DIAPH2: variants seen among roughly 807,000 people sequenced by gnomAD.
DIAPH2 encodes diaphanous related formin 2.
A neutral mutation model predicts 92.7 loss-of-function variants in DIAPH2; 35 were observed. The observed-to-expected ratio is 0.38, with a 90% CI of 0.29 to 0.50. The LOEUF is 0.50. Ranked by LOEUF, DIAPH2 falls within the 20% of genes least tolerant of loss-of-function variation. The pLI is 0.94. For missense variants in DIAPH2, 701 were observed against 819.5 expected, an observed-to-expected ratio of 0.86 and a Z score of 1.77; for synonymous variants, 301 against 280.4, an observed-to-expected ratio of 1.07 and a Z score of -0.73.
chrX:97,328,902 AG>A (rs1246763007), intron 23 of DIAPH2, among the ~76,000 whole-genome samples: 20 of 111,878 alleles, frequency 1.8e-4, no homozygotes, highest in African/African-American at 6.5e-4. Flanking sequence ...CATCATTAAA[AG>A]TATTTATTCC....
chrX:97,527,208 C>T (rs973827616), intron 26 of DIAPH2, among the ~76,000 whole-genome samples: 2 of 111,911 alleles, frequency 1.8e-5, no homozygotes, highest in African/African-American at 6.5e-5. Context: ...GTTTCTGTAA[C>T]CCAAATACTT....
chrX:96,854,065 C>T (rs765924583), intron 4 of DIAPH2, among the ~76,000 whole-genome samples: 10 of 111,391 alleles, frequency 9.0e-5, no homozygotes, highest in East Asian at 8.5e-4. Flanking sequence ...TGTCATCTTA[C>T]GTGATGTATG....
At chrX:97,129,882 G>C (rs766424314) in intron 21 of DIAPH2, among the ~76,000 whole-genome samples, 1 of 111,300 alleles carries the variant, frequency 9.0e-6, no homozygotes, top group African/African-American at 3.3e-5. Context: ...ATTGATATCC[G>C]TAATATATAA....
intron 22 of DIAPH2, among the ~76,000 whole-genome samples, chrX:97,185,436 T>TAC: frequency 1.8e-5 from 1 of 56,233 alleles, no homozygotes; most frequent in African/African-American, 1.3e-4. Context: ...TATATATATG[T>TAC]GTATATATAT....
At position 97,451,669 on chromosome X, in the gene DIAPH2, T is replaced by C. The variant is rs775888408; in HGVS notation, c.3241+21924T>C. ...TTATGGGGTGCTTAACTCATAGCAG[T>C]AAATATAGTATATTGAACTTACAGT... On this transcript the variant is annotated intron_variant, in intron 26 of 26. Coordinates refer to ENST00000324765, the MANE Select transcript of DIAPH2 (RefSeq NM_006729.5). Among the ~76,000 whole-genome samples the C allele has an allele frequency of 1.9e-4, 21 of 111,790 alleles. No individual in the cohort carries two copies. The East Asian group carries it at 5.8e-3, about 31-fold the overall frequency.
chrX:97,485,955 A>G, intron 26 of DIAPH2, among the ~76,000 whole-genome samples: 1 of 110,008 alleles, frequency 9.1e-6, no homozygotes, highest in Middle Eastern at 4.7e-3. Context: ...CTTCTACAAA[A>G]AAGTCTTTAT....
At chrX:96,775,261 A>G (rs1328287825) in intron 4 of DIAPH2, among the ~76,000 whole-genome samples, 1 of 109,628 alleles carries the variant, frequency 9.1e-6, no homozygotes, top group African/African-American at 3.3e-5. Context: ...AATTGCTTTT[A>G]GAGTGTCTAC....
At position 97,187,396 on chromosome X, in the gene DIAPH2, C is replaced by T. The variant is rs767729922; in HGVS notation, c.2719+45602C>T. 8.9e-5 allele frequency among the ~76,000 whole-genome samples: 9 copies of T among 101,272 alleles called. No homozygotes were observed. The East Asian group carries it at 3.1e-3, about 35-fold the overall frequency. The allele number at this position is 101,272 out of a possible 115,157, so 87.9% of individuals were successfully genotyped here. ...GTTCAAGTGATTCTCCAACCTCAAC[C>T]TCCCTAGTAGCTGAGACAACAGGAG... On this transcript the variant is annotated intron_variant, in intron 22 of 26. Transcript: ENST00000324765.
intron 26 of DIAPH2, among the ~76,000 whole-genome samples, chrX:97,463,274 CTT>C (rs34254892): frequency 3.6e-4 from 33 of 92,165 alleles, no homozygotes; most frequent in Admixed American, 4.9e-4. Flanking sequence ...TATCTGAATC[CTT>C]TTTTTTTTTT....
At chrX:97,365,633 A>G (rs770559398) in intron 24 of DIAPH2, among the ~76,000 whole-genome samples, 1 of 110,429 alleles carries the variant, frequency 9.1e-6, no homozygotes, top group South Asian at 4.1e-4. Context: ...CTCCAGGGAA[A>G]ATTACCCCCT....
At chrX:97,507,752 G>A (rs1474252892) in intron 26 of DIAPH2, among the ~76,000 whole-genome samples, 1 of 111,686 alleles carries the variant, frequency 9.0e-6, no homozygotes, top group Non-Finnish European at 1.9e-5. Flanking sequence ...ACTCAGAGTT[G>A]ACTAAAACTA....
At chrX:97,299,209 G>C (rs1166516817) in intron 23 of DIAPH2, among the ~76,000 whole-genome samples, 2 of 111,729 alleles carry the variant, frequency 1.8e-5, no homozygotes, top group African/African-American at 3.2e-5. Flanking sequence ...ATAGTATAAA[G>C]CACATGGTAT....
chrX:97,284,018 A>G (rs1456400120), intron 23 of DIAPH2, among the ~76,000 whole-genome samples: 1 of 112,516 alleles, frequency 8.9e-6, no homozygotes, highest in East Asian at 2.8e-4. Context: ...AATAGATGCA[A>G]TCGTAGGCTG....
At chrX:96,892,422 C>T (rs233210) in intron 5 of DIAPH2, among the ~76,000 whole-genome samples, 1 of 110,342 alleles carries the variant, frequency 9.1e-6, no homozygotes, top group Non-Finnish European at 1.9e-5. Flanking sequence ...TTTATACATA[C>T]AATACGAAAT....
At chrX:97,328,540 TACATCTCAGTAA>T (rs2068971056) in intron 23 of DIAPH2, among the ~76,000 whole-genome samples, 1 of 111,998 alleles carries the variant, frequency 8.9e-6, no homozygotes, top group African/African-American at 3.2e-5. Context: ...TGCTCTTGTT[TACATCTCAGTAA>T]ACATCTCAGT....
chrX:97,386,465 C>G (rs958770914), intron 25 of DIAPH2, among the ~76,000 whole-genome samples: 1 of 111,294 alleles, frequency 9.0e-6, no homozygotes, highest in African/African-American at 3.3e-5. Flanking sequence ...GTCAAGAGTT[C>G]GAGACCAACC....
intron 1 of DIAPH2, among the ~76,000 whole-genome samples, chrX:96,689,332 C>T (rs771686824): frequency 6.0e-5 from 6 of 99,671 alleles, no homozygotes; most frequent in South Asian, 5.0e-4. Context: ...GAGATTAAGG[C>T]GGAGAATGAC....
At chrX:97,454,043 A>G (rs2070381167) in intron 26 of DIAPH2, 1 of 112,209 alleles carries the variant, frequency 8.9e-6, no homozygotes, top group African/African-American at 3.2e-5. Flanking sequence ...AAACAAAAAT[A>G]TCCCTCAACA....
intron 23 of DIAPH2, among the ~76,000 whole-genome samples, chrX:97,294,058 T>A (rs1481161746): frequency 8.9e-6 from 1 of 112,231 alleles, no homozygotes; most frequent in East Asian, 2.8e-4. Flanking sequence ...TTGGCTGGAT[T>A]GAATATCTAG....
Sources: allele counts gnomAD v4.1 joint callset (sites outside exome capture counted in the v4.1 genomes callset), GRCh38; gene constraint gnomAD v4.1.1; transcripts MANE v1.5; gene names NCBI Gene and HGNC (gene_info 2026-07-23, HGNC 2026-07-21).